Variants in XRN1 observed in about 807,000 individuals in gnomAD.
XRN1 encodes strand-exchange protein 1 homolog.
A neutral mutation model predicts 222.3 loss-of-function variants in XRN1; 67 were observed. That is an observed-to-expected ratio of 0.30 (90% confidence interval 0.25 to 0.37). The LOEUF (loss-of-function observed/expected upper bound fraction) is 0.37, where lower values mean the gene tolerates loss of function less well. Ranked by LOEUF, XRN1 falls within the 10% of genes least tolerant of loss-of-function variation. XRN1 has a pLI of 1.00. For synonymous variants in XRN1, 643 were observed against 652.4 expected, an observed-to-expected ratio of 0.99 and a Z score of 0.22; for missense variants, 1,707 against 2,000.2, an observed-to-expected ratio of 0.85 and a Z score of 2.80.
intron 22 of XRN1, among the ~76,000 whole-genome samples, 153 bp downstream of exon 22, chr3:142,383,147 A>T (rs555024161): frequency 6.6e-6 from 1 of 152,350 alleles, no homozygotes; most frequent in Admixed American, 6.5e-5. Context: ...GTATTTAGAT[A>T]TATAAGTCAA....
At chr3:142,435,966 G>C (rs1162357516) in intron 1 of XRN1, 2 of 149,970 alleles carry the variant, frequency 1.3e-5, no homozygotes. Flanking sequence ...AGGCTGAGGC[G>C]GGAGAATGGC....
chr3:142,328,142 G>T (rs2065572567), intron 37 of XRN1, among the ~76,000 whole-genome samples: 1 of 152,090 alleles, frequency 6.6e-6, no homozygotes, highest in Admixed American at 6.5e-5. Flanking sequence ...TACAAATCAG[G>T]TATCTTTTTT....
chr3:142,330,285 C>A (rs2065657451), intron 36 of XRN1, among the ~76,000 whole-genome samples: 1 of 152,182 alleles, frequency 6.6e-6, no homozygotes, highest in Non-Finnish European at 1.5e-5. Context: ...TTCCACCTTA[C>A]ATTCTGAGAC....
At chr3:142,433,539 T>G (rs565895065) in intron 1 of XRN1, among the ~76,000 whole-genome samples, 14 of 152,218 alleles carry the variant, frequency 9.2e-5, no homozygotes, top group Non-Finnish European at 1.8e-4. Flanking sequence ...TCTCATTTAT[T>G]TTTCCTCTAT....
chr3:142,311,938 AT>A, intron 40 of XRN1, 125 bp from the exon 41 acceptor site: 2 of 957,862 alleles, frequency 2.1e-6, no homozygotes, highest in Non-Finnish European at 3.0e-6. Context: ...ACTTCCACTT[AT>A]AATTGCCAAG....
intron 5 of XRN1, 100 bp from the exon 6 acceptor site, chr3:142,423,742 G>A (rs1486824630): frequency 1.2e-6 from 1 of 824,638 alleles, no homozygotes; most frequent in South Asian, 2.2e-5. Context: ...GGAAGAATAA[G>A]AAACAATTAG....
chr3:142,354,450 G>T (rs1025048517), intron 32 of XRN1, among the ~76,000 whole-genome samples: 1 of 152,094 alleles, frequency 6.6e-6, no homozygotes, highest in African/African-American at 2.4e-5. Context: ...AAAATAAACC[G>T]TTCTTCCAAA....
rs763056009 is a variant in XRN1 at position 142,312,763 on chromosome 3, T to C, written c.4622-5A>G. ...ACGACGAAGGCATTATATTAGCTGTTAAAAACCAAGGAAAATTTTTCTTTT... is the reference window on the plus strand; with the variant it reads ...ACGACGAAGGCATTATATTAGCTGTCAAAAACCAAGGAAAATTTTTCTTTT... On this transcript the variant is annotated splice_region_variant and splice_polypyrimidine_tract_variant and intron_variant, in intron 39 of 40. Coordinates refer to ENST00000392981, the MANE Select transcript of XRN1 (RefSeq NM_001282857.2). 9.5e-6 allele frequency: 15 copies of C among 1,585,706 alleles called. No individual in the cohort carries two copies. Among genetic ancestry groups the C allele is most frequent in the Non-Finnish European group, 1.3e-5 (15 of 1,166,484 alleles).
chr3:142,437,520 G>C (rs1169216241), intron 1 of XRN1, among the ~76,000 whole-genome samples: 1 of 152,182 alleles, frequency 6.6e-6, no homozygotes, highest in East Asian at 1.9e-4. Flanking sequence ...AAAAGGTCCT[G>C]CATGATTTGG....
At chr3:142,338,086 C>T (rs2065896284) in intron 33 of XRN1, among the ~76,000 whole-genome samples, 1 of 152,184 alleles carries the variant, frequency 6.6e-6, no homozygotes, top group Non-Finnish European at 1.5e-5. Context: ...GTTGGGCTTG[C>T]AGCCTTTTAC....
chr3:142,311,710 A>T lies in XRN1; in HGVS notation c.4886T>A (p.Ile1629Asn), dbSNP rs772384689. The T allele has an allele frequency of 1.2e-6, 2 of 1,614,126 alleles. No homozygotes were observed. The highest frequency in any genetic ancestry group is 2.2e-5 in the South Asian group (2 of 91,080). Reference sequence around the variant, plus strand: ...GCTCTCCCGTGGACTTACTTTGACAATGTTGGAAGAATCTGGCTGGCTAGT... The same window carrying T: ...GCTCTCCCGTGGACTTACTTTGACATTGTTGGAAGAATCTGGCTGGCTAGT... The part of the protein sequence containing the change: ...VQTSQPDSSN[I>N]VKVSPRESSS... Residue 1629 changes from isoleucine to asparagine, a missense_variant, in exon 41 of 41, where the codon ATT (isoleucine) becomes AAT (asparagine). By Grantham distance (149) the Ile-to-Asn change is moderately radical. Coordinates refer to ENST00000392981, the MANE Select transcript of XRN1 (RefSeq NM_001282857.2).
At chr3:142,416,428 C>T (rs1425191981) in intron 13 of XRN1, among the ~76,000 whole-genome samples, 1 of 152,270 alleles carries the variant, frequency 6.6e-6, no homozygotes, top group East Asian at 1.9e-4. Context: ...AAGTGATCTG[C>T]CCACCTTGGC....
At chr3:142,416,237 T>C (rs2068781490) in intron 13 of XRN1, among the ~76,000 whole-genome samples, 1 of 152,158 alleles carries the variant, frequency 6.6e-6, no homozygotes. Context: ...AGTGCAGTGG[T>C]GCGATCTCAG....
rs74860807 is a variant in XRN1 at position 142,433,970 on chromosome 3, T to G, written c.76-1077A>C. On this transcript the variant is annotated intron_variant, in intron 1 of 40. Transcript: ENST00000392981. Reference sequence around the variant, plus strand: ...TATGAAATACCTATTTATATAGTATTGTATGTACAAGCATAACATAAAAAT... The same window carrying G: ...TATGAAATACCTATTTATATAGTATGGTATGTACAAGCATAACATAAAAAT... Among the ~76,000 whole-genome samples, 228 of 152,302 alleles carry G rather than the reference T, an allele frequency of 1.5e-3. 1 individual carries two copies. The highest frequency in any genetic ancestry group is 5.1e-3 in the African/African-American group (212 of 41,574).
chr3:142,421,353 G>A (rs1210646336), intron 9 of XRN1, 123 bp downstream of exon 9: 1 of 954,476 alleles, frequency 1.0e-6, no homozygotes, highest in Admixed American at 3.4e-5. Context: ...AGGTAAAAGT[G>A]TTTATATTGA....
chr3:142,332,568 G>C, intron 35 of XRN1, 34 bp from the exon 36 acceptor site: 1 of 1,564,832 alleles, frequency 6.4e-7, no homozygotes, highest in Non-Finnish European at 8.7e-7. Flanking sequence ...AGATGGTGAG[G>C]GTGAAGAGAA....
chr3:142,370,668 G>A, intron 26 of XRN1, 48 bp from the exon 27 acceptor site: 2 of 1,485,812 alleles, frequency 1.3e-6, no homozygotes, highest in African/African-American at 1.4e-5. Flanking sequence ...ACTTTCTCAG[G>A]GCTATAAATT....
chr3:142,354,952 G>A (rs1326831341), intron 32 of XRN1, among the ~76,000 whole-genome samples: 1 of 152,138 alleles, frequency 6.6e-6, no homozygotes, highest in East Asian at 1.9e-4. Flanking sequence ...AGGCCATTAT[G>A]CTAAGTGAAT....
intron 39 of XRN1, among the ~76,000 whole-genome samples, chr3:142,316,351 G>A (rs370302217): frequency 6.6e-6 from 1 of 151,532 alleles, no homozygotes; most frequent in Non-Finnish European, 1.5e-5. Flanking sequence ...CAAGTAGCTG[G>A]GACTATAGGT....
Sources: allele counts gnomAD v4.1 joint callset (sites outside exome capture counted in the v4.1 genomes callset), GRCh38; gene constraint gnomAD v4.1.1; transcripts MANE v1.5; gene names NCBI Gene and HGNC (gene_info 2026-07-23, HGNC 2026-07-21).